PRKG1: variants seen among roughly 807,000 people sequenced by gnomAD.
The protein encoded by PRKG1 is protein kinase cGMP-dependent 1, also known as cGMP-dependent protein kinase 1.
Under a neutral mutation model 88.1 loss-of-function variants are expected in PRKG1, and 35 were observed. That is an observed-to-expected ratio of 0.40 (90% CI 0.30 to 0.53). The LOEUF (loss-of-function observed/expected upper bound fraction) is 0.53. Among genes scored for constraint, PRKG1 ranks in the 20% least tolerant of loss-of-function variants. The probability of loss-of-function intolerance (pLI) is 0.59; values close to 1 mark genes in which losing one functional copy is unlikely to be tolerated. For synonymous variants in PRKG1, 303 were observed against 292.5 expected (o/e 1.04, Z -0.37); for missense variants, 540 against 839.8 (o/e 0.64, Z 4.41).
chr10:51,513,524 T>C, intron 3 of PRKG1, among the ~76,000 whole-genome samples: 1 of 108,908 alleles, frequency 9.2e-6, no homozygotes, highest in African/African-American at 3.1e-5. Flanking sequence ...ACTCTCCACC[T>C]CAAATCAACA....
chr10:51,996,863 G>A (rs533765100), intron 5 of PRKG1, among the ~76,000 whole-genome samples: 4 of 152,220 alleles, frequency 2.6e-5, no homozygotes, highest in Non-Finnish European at 5.9e-5. Flanking sequence ...ATTCATAATA[G>A]CCAAGATATA....
chr10:52,113,926 C>T (rs960488287), intron 7 of PRKG1, among the ~76,000 whole-genome samples: 3 of 152,058 alleles, frequency 2.0e-5, no homozygotes, highest in East Asian at 3.9e-4. Flanking sequence ...ATTGTTAAAT[C>T]GCTAAGTAAT....
intron 9 of PRKG1, among the ~76,000 whole-genome samples, chr10:52,247,808 C>T (rs1312008064): frequency 3.3e-5 from 5 of 152,118 alleles, no homozygotes; most frequent in African/African-American, 9.7e-5. Flanking sequence ...CCAGCTCGGT[C>T]GGGGAGACCC....
chr10:51,712,040 T>C (rs1260910306), intron 3 of PRKG1, among the ~76,000 whole-genome samples: 10 of 152,336 alleles, frequency 6.6e-5, no homozygotes. Flanking sequence ...CTGTAAGTTT[T>C]ATATGATACA....
At chr10:51,597,763 A>G (rs1203268105) in intron 3 of PRKG1, among the ~76,000 whole-genome samples, 2 of 152,168 alleles carry the variant, frequency 1.3e-5, no homozygotes, top group African/African-American at 4.8e-5. Flanking sequence ...GTACTGGAAA[A>G]CAAAATGGAA....
chr10:51,009,970 G>A (rs1201500060), intron 1 of PRKG1, among the ~76,000 whole-genome samples: 1 of 152,080 alleles, frequency 6.6e-6, no homozygotes, highest in African/African-American at 2.4e-5. Flanking sequence ...TCTCTTTATT[G>A]TAAAAGATCT....
intron 3 of PRKG1, among the ~76,000 whole-genome samples, chr10:51,486,150 T>C (rs1840533197): frequency 6.6e-6 from 1 of 152,152 alleles, no homozygotes; most frequent in Non-Finnish European, 1.5e-5. Context: ...ATAGTATTGC[T>C]AACTGTAGGC....
At chr10:51,167,889 G>T (rs538819146) in intron 2 of PRKG1, among the ~76,000 whole-genome samples, 1 of 152,262 alleles carries the variant, frequency 6.6e-6, no homozygotes, top group Non-Finnish European at 1.5e-5. Flanking sequence ...ATTGAGAGAT[G>T]AGAATGTGGA....
At chr10:51,277,730 G>C (rs1321815572) in intron 2 of PRKG1, among the ~76,000 whole-genome samples, 1 of 152,178 alleles carries the variant, frequency 6.6e-6, no homozygotes, top group African/African-American at 2.4e-5. Flanking sequence ...TTGTGAATGG[G>C]AGTTCACTCA....
At chr10:51,941,688 A>G (rs936997053) in intron 5 of PRKG1, among the ~76,000 whole-genome samples, 1 of 148,124 alleles carries the variant, frequency 6.8e-6, no homozygotes, top group African/African-American at 2.5e-5. Flanking sequence ...CCACCTATGA[A>G]TAAGAACATG....
At chr10:52,219,188 G>A (rs1014327953) in intron 9 of PRKG1, among the ~76,000 whole-genome samples, 1 of 108,518 alleles carries the variant, frequency 9.2e-6, no homozygotes, top group Non-Finnish European at 1.9e-5. Context: ...TTTGAGCTGG[G>A]AGGCTTTAAT....
chr10:52,118,569 T>A (rs1223067628), intron 7 of PRKG1, among the ~76,000 whole-genome samples: 1 of 152,022 alleles, frequency 6.6e-6, no homozygotes, highest in Non-Finnish European at 1.5e-5. Context: ...TTGGTAAAAA[T>A]TGATATGTTT....
At chr10:51,703,515 G>A (rs1841526325) in intron 3 of PRKG1, among the ~76,000 whole-genome samples, 1 of 152,068 alleles carries the variant, frequency 6.6e-6, no homozygotes, top group Admixed American at 6.5e-5. Context: ...TTACCTTTCA[G>A]CAAAATTGTG....
At chr10:51,184,652 C>G (rs1272627365) in intron 2 of PRKG1, among the ~76,000 whole-genome samples, 1 of 151,872 alleles carries the variant, frequency 6.6e-6, no homozygotes, top group Non-Finnish European at 1.5e-5. Flanking sequence ...TAGCCAGATC[C>G]AAAAATATGA....
intron 1 of PRKG1, among the ~76,000 whole-genome samples, chr10:51,116,309 G>A (rs1589164420): frequency 6.6e-6 from 1 of 152,230 alleles, no homozygotes; most frequent in East Asian, 1.9e-4. Context: ...AAACAAAACA[G>A]AGGGCACTGA....
At chr10:51,867,579 G>A (rs1033210307) in intron 4 of PRKG1, among the ~76,000 whole-genome samples, 1 of 152,070 alleles carries the variant, frequency 6.6e-6, no homozygotes, top group Non-Finnish European at 1.5e-5. Context: ...AGTTAAATGT[G>A]GGGGAAGCAA....
At chr10:51,691,809 A>G (rs756858095) in intron 3 of PRKG1, among the ~76,000 whole-genome samples, 3 of 152,344 alleles carry the variant, frequency 2.0e-5, no homozygotes, top group Middle Eastern at 3.4e-3. Context: ...AAGAAAATTG[A>G]CTGGTCAAAT....
At chr10:52,135,516 G>A (rs1837386325) in intron 8 of PRKG1, among the ~76,000 whole-genome samples, 1 of 152,098 alleles carries the variant, frequency 6.6e-6, no homozygotes, top group South Asian at 2.1e-4. Flanking sequence ...TTGGTTAGGA[G>A]TCTAAATTCA....
chr10:51,047,617 CAAA>C (rs142049774), intron 1 of PRKG1, among the ~76,000 whole-genome samples: 212 of 125,860 alleles, frequency 1.7e-3, no homozygotes, highest in East Asian at 8.1e-3. Context: ...TTATTATTTC[CAAA>C]AAAAAAAAAA....
Sources: gnomAD v4.1 joint callset for allele counts (sites outside exome capture counted in the v4.1 genomes callset) on GRCh38, gnomAD v4.1.1 for gene constraint, MANE v1.5 for transcripts, NCBI Gene and HGNC (gene_info 2026-07-23, HGNC 2026-07-21) for gene names.